Variants in ADAMTSL3 observed in about 807,000 individuals in gnomAD.
The protein encoded by ADAMTSL3 is ADAMTS like 3, also known as ADAMTS-like protein 3.
Under a neutral mutation model 201.7 loss-of-function variants are expected in ADAMTSL3, and 128 were observed. That is an observed-to-expected ratio of 0.63 (90% confidence interval 0.55 to 0.73). ADAMTSL3 has a LOEUF of 0.73. ADAMTSL3 is among the 30% of genes least tolerant of loss of function. The pLI is 0.00. For missense variants in ADAMTSL3, 1,990 were observed against 2,119.6 expected (o/e 0.94, Z 1.20); for synonymous variants, 738 against 748.4 (o/e 0.99, Z 0.23).
intron 7 of ADAMTSL3, among the ~76,000 whole-genome samples, chr15:83,845,942 C>A (rs1404889799): frequency 2.0e-5 from 3 of 152,170 alleles, no homozygotes; most frequent in Non-Finnish European, 2.9e-5. Context: ...ATGCACCTGG[C>A]CCAGTACCTG....
At chr15:83,752,301 T>C (rs948037041) in intron 3 of ADAMTSL3, among the ~76,000 whole-genome samples, 1 of 152,224 alleles carries the variant, frequency 6.6e-6, no homozygotes, top group African/African-American at 2.4e-5. Context: ...TTTGCTGTAA[T>C]AGACCAAAAT....
chr15:83,850,156 T>C (rs2064580642), intron 7 of ADAMTSL3, among the ~76,000 whole-genome samples: 1 of 152,046 alleles, frequency 6.6e-6, no homozygotes, highest in African/African-American at 2.4e-5. Context: ...GCCCTGCAGC[T>C]GCACCCATCC....
At chr15:83,798,174 A>C (rs1014482438) in intron 4 of ADAMTSL3, among the ~76,000 whole-genome samples, 1 of 152,056 alleles carries the variant, frequency 6.6e-6, no homozygotes, top group East Asian at 1.9e-4. Flanking sequence ...CTGATGTAGT[A>C]TTTGCTTAAC....
intron 23 of ADAMTSL3, among the ~76,000 whole-genome samples, chr15:83,994,821 G>T (rs1480402424): frequency 2.0e-5 from 3 of 148,354 alleles, no homozygotes; most frequent in Non-Finnish European, 3.0e-5. Context: ...TGTTGCCCAG[G>T]CTGGTCTCGA....
At chr15:83,967,591 A>G (rs1381264189) in intron 19 of ADAMTSL3, among the ~76,000 whole-genome samples, 1 of 152,254 alleles carries the variant, frequency 6.6e-6, no homozygotes, top group Admixed American at 6.5e-5. Context: ...CAATATTGTG[A>G]AAATGGCCAT....
At chr15:83,809,463 A>G (rs561099491) in intron 5 of ADAMTSL3, among the ~76,000 whole-genome samples, 2 of 152,320 alleles carry the variant, frequency 1.3e-5, no homozygotes, top group Admixed American at 6.5e-5. Context: ...ATTCAGCCCA[A>G]GTAGCACAAC....
chr15:83,859,563 T>G (rs999907895), intron 8 of ADAMTSL3, among the ~76,000 whole-genome samples: 9 of 152,226 alleles, frequency 5.9e-5, no homozygotes, highest in African/African-American at 1.2e-4. Flanking sequence ...TTCTGGCTAT[T>G]GTTTTAATCC....
chr15:83,694,750 A>G (rs543796984), intron 2 of ADAMTSL3, among the ~76,000 whole-genome samples: 79 of 152,320 alleles, frequency 5.2e-4, no homozygotes, highest in Middle Eastern at 6.8e-3. Flanking sequence ...GGTGCAGAGA[A>G]TATTCAGACA....
At chr15:83,958,654 C>T (rs1217487218) in intron 19 of ADAMTSL3, among the ~76,000 whole-genome samples, 1 of 152,106 alleles carries the variant, frequency 6.6e-6, no homozygotes, top group East Asian at 1.9e-4. Flanking sequence ...AGCATACCAA[C>T]ATAATGAAAA....
chr15:83,696,107 C>CA (rs2061685211), intron 2 of ADAMTSL3, among the ~76,000 whole-genome samples: 1 of 152,148 alleles, frequency 6.6e-6, no homozygotes, highest in Non-Finnish European at 1.5e-5. Flanking sequence ...TGGCGTTGAG[C>CA]CTGGGGATTC....
Position 83,819,984 on chromosome 15 carries a change from G to C in ADAMTSL3, c.537G>C (p.Lys179Asn). The change falls in exon 6 of 30, where the codon AAG (lysine) becomes AAC (asparagine). Residue 179 changes from lysine to asparagine, a missense_variant. By Grantham distance (94) the Lys-to-Asn change is moderately conservative. Coordinates refer to ENST00000286744, the MANE Select transcript of ADAMTSL3 (RefSeq NM_207517.3). ...GQNLVVELAP[K>N]VLDGTRCNTD... Reference sequence around the variant, plus strand: ...ACTTGGTGGTGGAGCTGGCACCTAAGGTACTGGATGGAACTCGTTGCAACA... The same window carrying C: ...ACTTGGTGGTGGAGCTGGCACCTAACGTACTGGATGGAACTCGTTGCAACA... The C allele has an allele frequency of 6.2e-7, 1 of 1,614,158 alleles. No homozygotes were observed. Among genetic ancestry groups the C allele is most frequent in the South Asian group, 1.1e-5 (1 of 91,088 alleles).
At chr15:83,956,944 A>G (rs560086704) in intron 19 of ADAMTSL3, among the ~76,000 whole-genome samples, 3 of 152,328 alleles carry the variant, frequency 2.0e-5, no homozygotes, top group Admixed American at 2.0e-4. Flanking sequence ...ACCAGAGACA[A>G]CTAAGAATAG....
At chr15:83,757,766 C>T (rs1188194542) in intron 3 of ADAMTSL3, among the ~76,000 whole-genome samples, 3 of 152,206 alleles carry the variant, frequency 2.0e-5, no homozygotes, top group Non-Finnish European at 4.4e-5. Flanking sequence ...CTTTTAACAG[C>T]ACCCAAGTAA....
In ADAMTSL3 at chr15:83,810,770, ACT is replaced by A. The variant is rs1208130355; in HGVS notation, c.363+6078_363+6079del. On this transcript the variant is annotated intron_variant, in intron 5 of 29. Transcript: ENST00000286744. ...TATTTTTCTTTTGAGACTGAGTCTC[ACT>A]CTATCACCCAGGCTGGGGTACAGTG... Among the ~76,000 whole-genome samples the A allele has an allele frequency of 2.0e-5, 3 of 151,842 alleles. No individual in the cohort carries two copies. The East Asian group carries it at 5.8e-4, about 29-fold the overall frequency.
intron 9 of ADAMTSL3, among the ~76,000 whole-genome samples, chr15:83,881,162 G>A (rs538654852): frequency 1.6e-4 from 25 of 152,226 alleles, no homozygotes; most frequent in Non-Finnish European, 3.2e-4. Context: ...AAGACAGCTA[G>A]GTTAGCAACC....
intron 3 of ADAMTSL3, chr15:83,717,545 G>A (rs1201615960): frequency 6.6e-6 from 1 of 152,334 alleles, no homozygotes; most frequent in East Asian, 1.9e-4. Flanking sequence ...TTAGTTGTAA[G>A]GGAAGGGAGA....
At chr15:83,910,050 G>A (rs2065904665) in intron 15 of ADAMTSL3, among the ~76,000 whole-genome samples, 1 of 151,930 alleles carries the variant, frequency 6.6e-6, no homozygotes. Flanking sequence ...TCCAAGTCTG[G>A]CCTCTGTGTC....
chr15:83,753,271 C>T (rs1182139783), intron 3 of ADAMTSL3, among the ~76,000 whole-genome samples: 2 of 152,188 alleles, frequency 1.3e-5, no homozygotes, highest in African/African-American at 4.8e-5. Context: ...ATTTTGCTCT[C>T]AGCTTTTCAA....
chr15:83,936,210 A>G, intron 17 of ADAMTSL3, among the ~76,000 whole-genome samples: 1 of 151,844 alleles, frequency 6.6e-6, no homozygotes, highest in Non-Finnish European at 1.5e-5. Context: ...TGATTAATTA[A>G]AGTGCTTTAG....
Sources: gnomAD v4.1 joint callset for allele counts (sites outside exome capture counted in the v4.1 genomes callset) on GRCh38, gnomAD v4.1.1 for gene constraint, MANE v1.5 for transcripts, NCBI Gene and HGNC (gene_info 2026-07-23, HGNC 2026-07-21) for gene names.